The following ZMYM2 variants were observed in gnomAD, a reference collection of about 807,000 sequenced individuals.
ZMYM2 encodes the protein zinc finger MYM-type protein 2.
Under a neutral mutation model 162.8 loss-of-function variants are expected in ZMYM2, and 56 were observed. The observed-to-expected ratio is 0.34, with a 90% CI of 0.28 to 0.43. The LOEUF (loss-of-function observed/expected upper bound fraction) is 0.43, where lower values mean the gene tolerates loss of function less well. ZMYM2 is among the 20% of genes least tolerant of loss of function. The pLI, the probability that ZMYM2 is intolerant of heterozygous loss-of-function variation, is 1.00. For missense variants in ZMYM2, 1,275 were observed against 1,621.8 expected (o/e 0.79, Z 3.67); for synonymous variants, 510 against 541.6 (o/e 0.94, Z 0.81).
chr13:20,021,760 C>G (rs770284535), intron 7 of ZMYM2, among the ~76,000 whole-genome samples: 4 of 152,242 alleles, frequency 2.6e-5, no homozygotes, highest in Non-Finnish European at 5.9e-5. Flanking sequence ...TTTCTCTGGC[C>G]ACAGGTGCTT....
intron 7 of ZMYM2, 114 bp from the exon 8 acceptor site, chr13:20,026,497 GT>G: frequency 9.6e-7 from 1 of 1,039,718 alleles, no homozygotes; most frequent in Non-Finnish European, 1.4e-6. Context: ...CTCTAAACCT[GT>G]TTAGAGATTA....
the ZMYM2 span, among the ~76,000 whole-genome samples, chr13:19,916,316 G>A: frequency 6.6e-6 from 1 of 152,138 alleles, no homozygotes; most frequent in African/African-American, 2.4e-5. Flanking sequence ...ATTCCTCAAG[G>A]ATCTAGAACT....
At chr13:19,881,752 G>A in the ZMYM2 span, among the ~76,000 whole-genome samples, 6 of 152,196 alleles carry the variant, frequency 3.9e-5, no homozygotes, top group South Asian at 6.2e-4. Flanking sequence ...TGATGGCCGA[G>A]GCAGGTGGAT....
chr13:19,927,556 A>G, the ZMYM2 span, among the ~76,000 whole-genome samples: 1 of 152,114 alleles, frequency 6.6e-6, no homozygotes, highest in African/African-American at 2.4e-5. Context: ...TTGTTGATGG[A>G]TGTTGGGTCA....
intron 9 of ZMYM2, among the ~76,000 whole-genome samples, chr13:20,029,457 AACTTTAATGG>A (rs1952876976): frequency 6.6e-6 from 1 of 152,188 alleles, no homozygotes; most frequent in Admixed American, 6.5e-5. Flanking sequence ...AAGACTAGTT[AACTTTAATGG>A]GGCTCAAATT....
chr13:19,932,631 G>A, the ZMYM2 span, among the ~76,000 whole-genome samples: 1 of 151,482 alleles, frequency 6.6e-6, no homozygotes. Flanking sequence ...GGGTGACAGA[G>A]CGAGAATTCA....
At chr13:20,045,135 A>G (rs1056649462) in intron 12 of ZMYM2, among the ~76,000 whole-genome samples, 1 of 152,086 alleles carries the variant, frequency 6.6e-6, no homozygotes, top group African/African-American at 2.4e-5. Context: ...AAACAAATGA[A>G]ATAGTCGAAT....
chr13:20,049,959 C>A, intron 12 of ZMYM2, among the ~76,000 whole-genome samples: 1 of 151,894 alleles, frequency 6.6e-6, no homozygotes, highest in South Asian at 2.1e-4. Context: ...AGAAAAGAAA[C>A]CCTGGAACAA....
chr13:19,881,980 C>CA, the ZMYM2 span, among the ~76,000 whole-genome samples: 355 of 121,708 alleles, frequency 2.9e-3, 3 homozygotes, highest in African/African-American at 0.011. Context: ...ACTCTGTATC[C>CA]AAAAAAAAAA....
At chr13:19,979,292 A>G (rs1957085621) in intron 2 of ZMYM2, among the ~76,000 whole-genome samples, 2 of 152,218 alleles carry the variant, frequency 1.3e-5, no homozygotes, top group Admixed American at 1.3e-4. Flanking sequence ...ATTTATCATC[A>G]TCATATTAGG....
chr13:19,995,003 A>C (rs996475277), intron 3 of ZMYM2, among the ~76,000 whole-genome samples: 1 of 1,188 alleles, frequency 8.4e-4, no homozygotes, highest in African/African-American at 1.3e-3. Context: ...TGGCTAAATT[A>C]AAAAAAAAAA....
intron 15 of ZMYM2, 42 bp from the exon 16 acceptor site, chr13:20,059,404 GT>G: frequency 1.2e-6 from 2 of 1,602,954 alleles, no homozygotes. Flanking sequence ...CTGTATATAA[GT>G]GTTAGTTAAC....
At chr13:20,047,676 A>G (rs981231014) in intron 12 of ZMYM2, among the ~76,000 whole-genome samples, 1 of 152,192 alleles carries the variant, frequency 6.6e-6, no homozygotes, top group East Asian at 1.9e-4. Flanking sequence ...ATTTAGTTTT[A>G]TGCTTTAAAA....
upstream of ZMYM2, among the ~76,000 whole-genome samples, chr13:19,954,126 ATTTTT>A (rs781288600): frequency 8.9e-4 from 58 of 64,912 alleles, 3 homozygotes; most frequent in East Asian, 0.026. Flanking sequence ...GCTATGTTTA[ATTTTT>A]TTTTTTTTTT....
intron 14 of ZMYM2, among the ~76,000 whole-genome samples, chr13:20,057,677 T>C (rs1002043215): frequency 6.6e-6 from 1 of 152,214 alleles, no homozygotes; most frequent in Non-Finnish European, 1.5e-5. Flanking sequence ...TATTCTCTAA[T>C]GAAATATTGT....
chr13:20,006,110 A>G (rs112307208), intron 5 of ZMYM2, among the ~76,000 whole-genome samples: 22 of 152,100 alleles, frequency 1.4e-4, no homozygotes, highest in African/African-American at 3.6e-4. Flanking sequence ...GTGTGTGTCT[A>G]TAGTCTCAGC....
intron 2 of ZMYM2, among the ~76,000 whole-genome samples, chr13:19,982,896 T>C (rs572029099): frequency 6.6e-6 from 1 of 152,210 alleles, no homozygotes; most frequent in Non-Finnish European, 1.5e-5. Flanking sequence ...TTGAATTCTC[T>C]CCTATCTTCC....
intron 21 of ZMYM2, among the ~76,000 whole-genome samples, chr13:20,080,091 C>G: frequency 6.6e-6 from 1 of 152,168 alleles, no homozygotes; most frequent in East Asian, 1.9e-4. Context: ...CACTGCTGTT[C>G]TCATTCATAA....
At chr13:20,081,954 G>C (rs1206918531) in intron 21 of ZMYM2, 62 bp from the exon 22 acceptor site, 2 of 1,045,130 alleles carry the variant, frequency 1.9e-6, no homozygotes, top group African/African-American at 3.4e-5. Flanking sequence ...AGTGTAATAT[G>C]TTTACTATAA....
Sources: gnomAD v4.1 joint callset for allele counts (sites outside exome capture counted in the v4.1 genomes callset) on GRCh38, gnomAD v4.1.1 for gene constraint, MANE v1.5 for transcripts, NCBI Gene and HGNC (gene_info 2026-07-23, HGNC 2026-07-21) for gene names.